Variants in DSCAML1 observed in about 807,000 individuals in gnomAD.
DSCAML1 encodes the protein cell adhesion molecule DSCAML1.
DSCAML1 carries 38 observed loss-of-function variants against 200.5 expected under a neutral mutation model. The observed-to-expected ratio is 0.19, with a 90% CI of 0.15 to 0.25. The LOEUF (loss-of-function observed/expected upper bound fraction) is 0.25, where lower values mean the gene tolerates loss of function less well. Among genes scored for constraint, DSCAML1 ranks in the 10% least tolerant of loss-of-function variants. The probability of loss-of-function intolerance (pLI) is 1.00; values close to 1 mark genes in which losing one functional copy is unlikely to be tolerated. For synonymous variants in DSCAML1, 1,215 were observed against 1,165.0 expected (o/e 1.04, Z -0.87); for missense variants, 2,223 against 2,858.8 (o/e 0.78, Z 5.07).
chr11:117,488,074 C>T (rs776063866), intron 11 of DSCAML1, among the ~76,000 whole-genome samples: 2 of 151,596 alleles, frequency 1.3e-5, no homozygotes, highest in African/African-American at 2.4e-5. Context: ...TGCAGATGGG[C>T]GCTTTCAGCC....
intron 3 of DSCAML1, among the ~76,000 whole-genome samples, chr11:117,764,716 C>T (rs2054861179): frequency 6.6e-6 from 1 of 152,232 alleles, no homozygotes; most frequent in South Asian, 2.1e-4. Flanking sequence ...CAACCATGCT[C>T]CATCAGGCTT....
chr11:117,760,021 A>G (rs1480124483), intron 3 of DSCAML1, among the ~76,000 whole-genome samples: 2 of 152,182 alleles, frequency 1.3e-5, no homozygotes, highest in Non-Finnish European at 1.5e-5. Flanking sequence ...TCCATCAACA[A>G]TAGCCCTCCA....
At chr11:117,701,348 G>A (rs904784521) in intron 3 of DSCAML1, among the ~76,000 whole-genome samples, 4 of 152,228 alleles carry the variant, frequency 2.6e-5, no homozygotes. Flanking sequence ...GCGCTTTGCT[G>A]AACGATGATA....
At chr11:117,771,544 T>G (rs986975135) in intron 3 of DSCAML1, among the ~76,000 whole-genome samples, 2 of 152,104 alleles carry the variant, frequency 1.3e-5, no homozygotes, top group Non-Finnish European at 2.9e-5. Context: ...CCCAGGCAAG[T>G]GCAGGAGACA....
At chr11:117,816,771 T>C (rs1386081269) in intron 1 of DSCAML1, among the ~76,000 whole-genome samples, 1 of 142,006 alleles carries the variant, frequency 7.0e-6, no homozygotes, top group Non-Finnish European at 1.5e-5. Flanking sequence ...CCTTGCTCCC[T>C]GTACAAGAGA....
intron 3 of DSCAML1, among the ~76,000 whole-genome samples, chr11:117,549,927 G>A (rs1354393499): frequency 6.6e-6 from 1 of 152,188 alleles, no homozygotes; most frequent in South Asian, 2.1e-4. Context: ...CAACATTTGT[G>A]TTGTGAACAT....
At chr11:117,433,930 C>G (rs986934868) in intron 27 of DSCAML1, among the ~76,000 whole-genome samples, 12 of 152,206 alleles carry the variant, frequency 7.9e-5, no homozygotes, top group Admixed American at 3.9e-4. Context: ...CAAGAGGCTT[C>G]ACTTCCTCCT....
intron 20 of DSCAML1, among the ~76,000 whole-genome samples, chr11:117,448,638 T>C (rs10892107): frequency 2.2e-5 from 3 of 135,130 alleles, no homozygotes; most frequent in Non-Finnish European, 4.8e-5. Context: ...TGTGTGTGTG[T>C]GGGGGGTGGG....
chr11:117,507,687 G>A (rs139012236), intron 8 of DSCAML1, among the ~76,000 whole-genome samples: 1 of 152,276 alleles, frequency 6.6e-6, no homozygotes, highest in Non-Finnish European at 1.5e-5. Context: ...CAGCCTGCCC[G>A]AGTGAACACC....
intron 3 of DSCAML1, among the ~76,000 whole-genome samples, chr11:117,551,599 CCTT>C (rs1337741670): frequency 6.6e-6 from 1 of 152,170 alleles, no homozygotes; most frequent in Non-Finnish European, 1.5e-5. Context: ...CATTTGTCAT[CCTT>C]CTGCCACCTG....
intron 19 of DSCAML1, among the ~76,000 whole-genome samples, chr11:117,452,965 CTG>C (rs1475050670): frequency 1.3e-5 from 2 of 152,198 alleles, no homozygotes; most frequent in Non-Finnish European, 2.9e-5. Context: ...GACTCTCACT[CTG>C]TTGCTCAGGC....
intron 3 of DSCAML1, among the ~76,000 whole-genome samples, chr11:117,734,343 T>C (rs1428222646): frequency 6.6e-6 from 1 of 152,114 alleles, no homozygotes; most frequent in Non-Finnish European, 1.5e-5. Flanking sequence ...TGGGGAGAGA[T>C]GGGTCCAATA....
chr11:117,699,773 T>G (rs556793335), intron 3 of DSCAML1, among the ~76,000 whole-genome samples: 26 of 152,362 alleles, frequency 1.7e-4, no homozygotes, highest in African/African-American at 6.0e-4. Flanking sequence ...GTAAGTCAGC[T>G]GCACATTTGA....
chr11:117,463,713 C>T lies in DSCAML1; in HGVS notation c.3265+1229G>A, dbSNP rs796072106. The stretch of plus-strand genomic sequence containing the variant: ...CTTGGTTGTGGTGCGGCTCTCCTCC[C>T]TCCCCCTGGACTTCTCTGCCACGTG... On this transcript the variant is annotated intron_variant, in intron 17 of 32. Transcript: ENST00000651296. This position sits in a 1 kb window ranked among gnomAD's most constrained non-coding sequence, Gnocchi z 4.0. Among the ~76,000 whole-genome samples the T allele has an allele frequency of 9.8e-5, 15 of 152,326 alleles. No homozygotes were observed. The highest frequency in any genetic ancestry group is 3.6e-4 in the African/African-American group (15 of 41,568).
intron 3 of DSCAML1, among the ~76,000 whole-genome samples, chr11:117,754,129 G>A (rs2054647076): frequency 6.6e-6 from 1 of 152,146 alleles, no homozygotes; most frequent in Non-Finnish European, 1.5e-5. Context: ...GGAATGGGGA[G>A]GGGGGTAGAA....
intron 18 of DSCAML1, among the ~76,000 whole-genome samples, chr11:117,460,281 C>T (rs2048452863): frequency 6.6e-6 from 1 of 152,210 alleles, no homozygotes; most frequent in Non-Finnish European, 1.5e-5. Flanking sequence ...TCAATCTGAG[C>T]TAGAGCCCTC....
At chr11:117,531,060 A>G (rs917126264) in intron 4 of DSCAML1, among the ~76,000 whole-genome samples, 1 of 152,210 alleles carries the variant, frequency 6.6e-6, no homozygotes, top group Non-Finnish European at 1.5e-5. Context: ...AGCATGGTAG[A>G]AAATGCCAGT....
chr11:117,756,951 G>A (rs769881151), intron 3 of DSCAML1, among the ~76,000 whole-genome samples: 2 of 152,184 alleles, frequency 1.3e-5, no homozygotes, highest in African/African-American at 2.4e-5. Context: ...TGACCTGGAG[G>A]ATGGGACACC....
chr11:117,480,295 C>A lies in DSCAML1; in HGVS notation c.2785+148G>T. The A allele has an allele frequency of 7.9e-7, 1 of 1,258,986 alleles. No individual in the cohort carries two copies. 78.0% of individuals were successfully genotyped at this position (1,258,986 alleles called of 1,614,324 possible). ...GTGTCCCTCCCTTCAGAAGCCACAGCTGCTTGTGCACTGGTGGGTGCTTGT... is the reference window on the plus strand; with the variant it reads ...GTGTCCCTCCCTTCAGAAGCCACAGATGCTTGTGCACTGGTGGGTGCTTGT... On this transcript the variant is annotated intron_variant, in intron 14 of 32. Coordinates refer to ENST00000651296, the MANE Select transcript of DSCAML1 (RefSeq NM_020693.4). This position sits in a 1 kb window ranked among gnomAD's most constrained non-coding sequence, Gnocchi z 4.1.
Sources: allele counts gnomAD v4.1 joint callset (sites outside exome capture counted in the v4.1 genomes callset), GRCh38; gene constraint gnomAD v4.1.1; non-coding constraint Gnocchi (gnomAD v3.1); transcripts MANE v1.5; gene names NCBI Gene and HGNC (gene_info 2026-07-23, HGNC 2026-07-21).